Variants in EIF4EBP1 observed in about 807,000 individuals in gnomAD.
EIF4EBP1 encodes the protein eukaryotic translation initiation factor 4E-binding protein 1.
EIF4EBP1 carries 5 observed loss-of-function variants against 9.2 expected under a neutral mutation model. The ratio of observed to expected loss-of-function variants is 0.54; its 90% CI spans 0.28 to 1.14. EIF4EBP1 has a LOEUF of 1.14. Ranked by LOEUF, EIF4EBP1 falls within the 50% of genes most tolerant of loss-of-function variation. The probability of loss-of-function intolerance (pLI) is 0.09; values close to 1 mark genes in which losing one functional copy is unlikely to be tolerated. For synonymous variants in EIF4EBP1, 62 were observed against 67.0 expected (o/e 0.93, Z 0.36); for missense variants, 139 against 169.6 (o/e 0.82, Z 1.00).
At chr8:38,042,991 A>G (rs28401310) in intron 1 of EIF4EBP1, among the ~76,000 whole-genome samples, 115,678 of 152,104 alleles carry the variant, frequency 0.76, 44,117 homozygotes, top group Middle Eastern at 0.87. Context: ...CTCTGGAACC[A>G]GGGAGGCGGA....
chr8:38,054,952 A>G (rs747277019), intron 1 of EIF4EBP1, among the ~76,000 whole-genome samples: 9 of 152,082 alleles, frequency 5.9e-5, no homozygotes, highest in Non-Finnish European at 8.8e-5. Context: ...ACGGAGCCCA[A>G]ATGCACCCTG....
At chr8:38,052,572 T>A (rs1024795490) in intron 1 of EIF4EBP1, among the ~76,000 whole-genome samples, 1 of 151,958 alleles carries the variant, frequency 6.6e-6, no homozygotes. Flanking sequence ...CCACTGAAAC[T>A]ACAAAAATTA....
At chr8:38,037,560 G>A (rs543610476) in intron 1 of EIF4EBP1, among the ~76,000 whole-genome samples, 15 of 151,938 alleles carry the variant, frequency 9.9e-5, no homozygotes, top group African/African-American at 1.9e-4. Flanking sequence ...TGATCCACCC[G>A]CCTCGACCTC....
rs1272705743 is a variant in EIF4EBP1 at position 38,054,176 on chromosome 8, A to T, written c.146-2905A>T. ...TAAACAAACCAACAACAACAAAAAAAGTGTGGCTCATGTCTGTAACCCCAG... is the reference window on the plus strand; with the variant it reads ...TAAACAAACCAACAACAACAAAAAATGTGTGGCTCATGTCTGTAACCCCAG... On this transcript the variant is annotated intron_variant, in intron 1 of 2. Coordinates refer to ENST00000338825, the MANE Select transcript of EIF4EBP1 (RefSeq NM_004095.4). Among the ~76,000 whole-genome samples, 4 of 152,166 alleles carry T rather than the reference A, an allele frequency of 2.6e-5. No individual in the cohort carries two copies. In the East Asian group the frequency reaches 7.7e-4, roughly 29 times the overall value.
chr8:38,059,415 C>T (rs1057099889), intron 2 of EIF4EBP1, among the ~76,000 whole-genome samples: 3 of 152,108 alleles, frequency 2.0e-5, no homozygotes, highest in Admixed American at 2.0e-4. Context: ...AAGCTGAGGC[C>T]GGCGTCATGC....
chr8:38,045,791 G>T (rs147963386), intron 1 of EIF4EBP1, among the ~76,000 whole-genome samples: 1 of 152,020 alleles, frequency 6.6e-6, no homozygotes, highest in South Asian at 2.1e-4. Flanking sequence ...CCAGACTACC[G>T]TGCAGTGGTA....
rs1449895558 is a variant in EIF4EBP1, at chr8:38,051,369, C to T, written c.146-5712C>T. Among the ~76,000 whole-genome samples, 4 of 152,144 alleles carry T rather than the reference C, an allele frequency of 2.6e-5. No individual in the cohort carries two copies. In the East Asian group the frequency reaches 5.8e-4, roughly 22 times the overall value. On this transcript the variant is annotated intron_variant, in intron 1 of 2. Coordinates refer to ENST00000338825, the MANE Select transcript of EIF4EBP1 (RefSeq NM_004095.4). ...CTCTCCCTGCATCCAGGTTGGAGAA[C>T]GTGCTTGTACTTCTCATTCTTGGTG...
At chr8:38,057,006 A>G in intron 1 of EIF4EBP1, 75 bp from the exon 2 acceptor site, 2 of 1,503,982 alleles carry the variant, frequency 1.3e-6, no homozygotes, top group East Asian at 4.5e-5. Flanking sequence ...TACTGCAGCC[A>G]CGCCTTTAAA....
intron 1 of EIF4EBP1, among the ~76,000 whole-genome samples, chr8:38,048,250 G>C (rs2130391662): frequency 1.3e-5 from 2 of 151,766 alleles, no homozygotes; most frequent in South Asian, 4.2e-4. Flanking sequence ...TCCAGCCTGA[G>C]TGACAGAGCA....
chr8:38,032,646 G>C (rs941096677), intron 1 of EIF4EBP1, among the ~76,000 whole-genome samples: 9 of 152,200 alleles, frequency 5.9e-5, no homozygotes, highest in African/African-American at 2.2e-4. Flanking sequence ...GTGGGGAAGG[G>C]ACTTCTGCAT....
chr8:38,039,479 C>T (rs1809349352), intron 1 of EIF4EBP1, among the ~76,000 whole-genome samples: 1 of 143,934 alleles, frequency 6.9e-6, no homozygotes, highest in Admixed American at 7.2e-5. Flanking sequence ...AATCTCTGCT[C>T]ACTACAGCCT....
At chr8:38,053,949 G>A (rs190253805) in intron 1 of EIF4EBP1, among the ~76,000 whole-genome samples, 7 of 152,270 alleles carry the variant, frequency 4.6e-5, no homozygotes, top group East Asian at 3.9e-4. Context: ...TGATGAAAAC[G>A]TTTTGGAGAT....
At chr8:38,050,253 T>G (rs1809501811) in intron 1 of EIF4EBP1, among the ~76,000 whole-genome samples, 1 of 152,150 alleles carries the variant, frequency 6.6e-6, no homozygotes, top group African/African-American at 2.4e-5. Flanking sequence ...CTTTATTACC[T>G]GTTTCCTCCT....
chr8:38,045,807 G>A (rs1447863695), intron 1 of EIF4EBP1, among the ~76,000 whole-genome samples: 1 of 152,022 alleles, frequency 6.6e-6, no homozygotes, highest in Non-Finnish European at 1.5e-5. Flanking sequence ...TGGTAAAATT[G>A]TAGTTCCCTA....
At chr8:38,057,520 G>C (rs75668368) in intron 2 of EIF4EBP1, among the ~76,000 whole-genome samples, 2 of 152,178 alleles carry the variant, frequency 1.3e-5, no homozygotes, top group Non-Finnish European at 2.9e-5. Context: ...AATTAGCGGG[G>C]AGTTTGTTTG....
At chr8:38,045,410 T>G (rs576921809) in intron 1 of EIF4EBP1, among the ~76,000 whole-genome samples, 1 of 152,222 alleles carries the variant, frequency 6.6e-6, no homozygotes, top group South Asian at 2.1e-4. Context: ...GTGAGGAAAC[T>G]AGAACCTAAG....
chr8:38,053,305 A>G (rs1213268817), intron 1 of EIF4EBP1, among the ~76,000 whole-genome samples: 4 of 151,886 alleles, frequency 2.6e-5, no homozygotes, highest in Non-Finnish European at 1.5e-5. Context: ...AGCATGAGCC[A>G]CTGTACCTGG....
At chr8:38,046,198 C>T (rs1024328609) in intron 1 of EIF4EBP1, among the ~76,000 whole-genome samples, 4 of 151,880 alleles carry the variant, frequency 2.6e-5, no homozygotes, top group African/African-American at 9.7e-5. Flanking sequence ...CTTCCCCACC[C>T]GGCCTACACC....
chr8:38,044,578 A>G (rs2130388223), intron 1 of EIF4EBP1, among the ~76,000 whole-genome samples: 1 of 152,332 alleles, frequency 6.6e-6, no homozygotes, highest in African/African-American at 2.4e-5. Context: ...AGCTGGGATC[A>G]TAGGCGCACG....
Sources: allele counts gnomAD v4.1 joint callset (sites outside exome capture counted in the v4.1 genomes callset), GRCh38; gene constraint gnomAD v4.1.1; transcripts MANE v1.5; gene names NCBI Gene and HGNC (gene_info 2026-07-23, HGNC 2026-07-21).